The following PALLD variants were observed in gnomAD, a reference collection of about 807,000 sequenced individuals.
The protein encoded by PALLD is palladin, cytoskeletal associated protein, also known as palladin.
Under a neutral mutation model 123.5 loss-of-function variants are expected in PALLD, and 61 were observed. The observed-to-expected ratio is 0.49, with a 90% CI of 0.40 to 0.61. The LOEUF (loss-of-function observed/expected upper bound fraction) is 0.61. Ranked by LOEUF, PALLD falls within the 20% of genes least tolerant of loss-of-function variation. The pLI is 0.00. For missense variants in PALLD, 1,273 were observed against 1,377.0 expected, an observed-to-expected ratio of 0.92 and a Z score of 1.20; for synonymous variants, 465 against 496.4, an observed-to-expected ratio of 0.94 and a Z score of 0.84.
intron 10 of PALLD, among the ~76,000 whole-genome samples, chr4:168,719,186 G>C (rs1410067904): frequency 6.6e-6 from 1 of 150,658 alleles, no homozygotes; most frequent in Non-Finnish European, 1.5e-5. Context: ...GATTACAGGC[G>C]TGAGCCACTG....
At chr4:168,501,785 C>T (rs1266073135) in intron 1 of PALLD, among the ~76,000 whole-genome samples, 1 of 152,174 alleles carries the variant, frequency 6.6e-6, no homozygotes, top group East Asian at 1.9e-4. Context: ...CTTTCACCAC[C>T]CTCCCCGCCA....
intron 5 of PALLD, among the ~76,000 whole-genome samples, chr4:168,684,992 C>T (rs970443166): frequency 2.0e-5 from 3 of 151,882 alleles, no homozygotes; most frequent in African/African-American, 4.8e-5. Context: ...CTTTTTTGCA[C>T]GTCAATAAAA....
chr4:168,664,666 A>G (rs956508126), intron 2 of PALLD, among the ~76,000 whole-genome samples: 1 of 152,064 alleles, frequency 6.6e-6, no homozygotes, highest in African/African-American at 2.4e-5. Context: ...AGGGAAAGCA[A>G]CTGACAGCCA....
At chr4:168,832,584 G>A (rs1744425397) in intron 10 of PALLD, among the ~76,000 whole-genome samples, 3 of 152,138 alleles carry the variant, frequency 2.0e-5, no homozygotes, top group Admixed American at 6.5e-5. Context: ...AGAAAGCGGG[G>A]CTGGCAGAGA....
At chr4:168,648,032 A>T (rs188801675) in intron 2 of PALLD, 5 of 152,226 alleles carry the variant, frequency 3.3e-5, no homozygotes, top group Admixed American at 3.3e-4. Context: ...CCACTAAGGT[A>T]GTTCTCTGGG....
intron 10 of PALLD, among the ~76,000 whole-genome samples, chr4:168,729,732 A>G (rs1178641616): frequency 1.3e-5 from 2 of 152,200 alleles, no homozygotes; most frequent in Admixed American, 6.5e-5. Flanking sequence ...TACCAGAAGC[A>G]CATTCTCCAG....
rs539624287 is a variant in PALLD, at chr4:168,899,693, G to C, written c.2472+979G>C. Reference sequence around the variant, plus strand: ...GCATTTTGCGAGGCCGAGATGGGTGGATCACCTGAGCTCAGGAGTTCGAGA... The same window carrying C: ...GCATTTTGCGAGGCCGAGATGGGTGCATCACCTGAGCTCAGGAGTTCGAGA... On this transcript the variant is annotated intron_variant, in intron 14 of 21. Transcript: ENST00000505667. Among the ~76,000 whole-genome samples, 99 of 152,186 alleles carry C rather than the reference G, an allele frequency of 6.5e-4. 1 individual carries two copies. The South Asian group carries it at 0.012, about 18-fold the overall frequency.
At chr4:168,693,581 C>T (rs550123836) in intron 8 of PALLD, among the ~76,000 whole-genome samples, 14 of 152,262 alleles carry the variant, frequency 9.2e-5, no homozygotes, top group East Asian at 3.9e-4. Context: ...GATCTGAAAG[C>T]GTTTAAGAAA....
At chr4:168,855,103 T>C (rs1346911234) in intron 10 of PALLD, among the ~76,000 whole-genome samples, 1 of 148,322 alleles carries the variant, frequency 6.7e-6, no homozygotes, top group Non-Finnish European at 1.5e-5. Flanking sequence ...TTTTTTTTTT[T>C]TTTTTTGAGA....
intron 2 of PALLD, among the ~76,000 whole-genome samples, chr4:168,574,649 GA>G (rs1374681071): frequency 4.6e-5 from 7 of 151,990 alleles, no homozygotes; most frequent in African/African-American, 1.7e-4. Context: ...TTTGGGGAAT[GA>G]ATCATTCCCC....
In PALLD at chr4:168,869,159, C is replaced by T. The variant is rs1750739710; in HGVS notation, c.1965-21763C>T. 6.6e-6 allele frequency among the ~76,000 whole-genome samples: 1 copy of T among 152,144 alleles called. No homozygotes were observed. The highest frequency in any genetic ancestry group is 1.5e-5 in the Non-Finnish European group (1 of 68,036). On this transcript the variant is annotated intron_variant, in intron 10 of 21. Transcript: ENST00000505667. This position sits in a 1 kb window ranked among gnomAD's most constrained non-coding sequence, Gnocchi z 4.5. ...ACTGTTACTTATAAGAGCTCTGATA[C>T]ATATATATCTCCTTTATTAGAAGAT...
intron 1 of PALLD, among the ~76,000 whole-genome samples, chr4:168,509,691 A>T (rs1762351610): frequency 6.6e-6 from 1 of 152,238 alleles, no homozygotes; most frequent in Non-Finnish European, 1.5e-5. Flanking sequence ...TTCAGTAGAT[A>T]GAGTAGGGCT....
Position 168,709,958 on chromosome 4 carries a change from C to T in PALLD, c.1621+811C>T, listed in dbSNP as rs114266454. ...CACCTCTGCATCAGAGGTGCAGTCA[C>T]TTTCTCAGCAGTGCCAACACATGAG... is the stretch of plus-strand genomic sequence containing the variant. On this transcript the variant is annotated intron_variant, in intron 9 of 21. Coordinates refer to ENST00000505667, the MANE Select transcript of PALLD (RefSeq NM_001166108.2). 2.2e-3 allele frequency among the ~76,000 whole-genome samples: 341 copies of T among 152,272 alleles called. 1 individual carries two copies. The highest frequency in any genetic ancestry group is 3.8e-3 in the Non-Finnish European group (261 of 68,018).
At chr4:168,742,542 T>A (rs1788456737) in intron 10 of PALLD, among the ~76,000 whole-genome samples, 1 of 152,214 alleles carries the variant, frequency 6.6e-6, no homozygotes, top group South Asian at 2.1e-4. Flanking sequence ...CCTGGTGCTT[T>A]GAGGACCTGA....
At chr4:168,890,578 A>G (rs1754012811) in intron 10 of PALLD, among the ~76,000 whole-genome samples, 1 of 152,018 alleles carries the variant, frequency 6.6e-6, no homozygotes, top group African/African-American at 2.4e-5. Context: ...TACGAGATAG[A>G]GTCAGATTTT....
chr4:168,785,846 G>GAGAGATATATATATAT (rs764117358), intron 10 of PALLD, among the ~76,000 whole-genome samples: 1 of 80,898 alleles, frequency 1.2e-5, no homozygotes, highest in Non-Finnish European at 2.8e-5. Flanking sequence ...AAACTGTAGA[G>GAGAGATATATATATAT]ATATATATAT....
At chr4:168,843,787 C>T (rs1194005097) in intron 10 of PALLD, among the ~76,000 whole-genome samples, 1 of 152,126 alleles carries the variant, frequency 6.6e-6, no homozygotes, top group Non-Finnish European at 1.5e-5. Context: ...ATGGCAAGCC[C>T]ATGCCCGAAA....
chr4:168,674,398 G>C (rs538725035), intron 3 of PALLD, among the ~76,000 whole-genome samples: 89 of 152,278 alleles, frequency 5.8e-4, no homozygotes, highest in African/African-American at 2.0e-3. Flanking sequence ...CAGCTAGGGA[G>C]GAAGAGGGAA....
chr4:168,845,948 T>A (rs1462637580), intron 10 of PALLD, among the ~76,000 whole-genome samples: 3 of 152,346 alleles, frequency 2.0e-5, no homozygotes, highest in Non-Finnish European at 4.4e-5. Context: ...ATCTCAGAGG[T>A]ATCACAGATT....
Sources: allele counts gnomAD v4.1 joint callset (sites outside exome capture counted in the v4.1 genomes callset), GRCh38; gene constraint gnomAD v4.1.1; non-coding constraint Gnocchi (gnomAD v3.1); transcripts MANE v1.5; gene names NCBI Gene and HGNC (gene_info 2026-07-23, HGNC 2026-07-21).